POU6F2: variants seen among roughly 807,000 people sequenced by gnomAD.
The protein encoded by POU6F2 is POU domain, class 6, transcription factor 2.
POU6F2 carries 31 observed loss-of-function variants against 71.3 expected under a neutral mutation model. The observed-to-expected ratio is 0.43, with a 90% CI of 0.33 to 0.59. The LOEUF (loss-of-function observed/expected upper bound fraction) is 0.59, where lower values mean the gene tolerates loss of function less well. POU6F2 is among the 20% of genes least tolerant of loss of function. The pLI, the probability that POU6F2 is intolerant of heterozygous loss-of-function variation, is 0.04. For synonymous variants in POU6F2, 347 were observed against 355.7 expected (o/e 0.98, Z 0.27); for missense variants, 783 against 856.8 (o/e 0.91, Z 1.07).
chr7:39,328,002 C>A (rs1421702953), intron 4 of POU6F2, among the ~76,000 whole-genome samples: 1 of 152,154 alleles, frequency 6.6e-6, no homozygotes, highest in African/African-American at 2.4e-5. Flanking sequence ...CTCACTGCAA[C>A]CTCCGTCTCC....
At chr7:39,226,847 T>A (rs1794469457) in intron 4 of POU6F2, among the ~76,000 whole-genome samples, 1 of 152,200 alleles carries the variant, frequency 6.6e-6, no homozygotes, top group Non-Finnish European at 1.5e-5. Flanking sequence ...CCTATCATAT[T>A]TCAATAGTAA....
At chr7:39,227,628 C>T (rs1184915429) in intron 4 of POU6F2, among the ~76,000 whole-genome samples, 1 of 148,070 alleles carries the variant, frequency 6.8e-6, no homozygotes, top group African/African-American at 2.5e-5. Context: ...GATCTCAGCT[C>T]ACTGCAACCT....
chr7:39,154,563 T>C (rs558144948), intron 2 of POU6F2, among the ~76,000 whole-genome samples: 3 of 152,252 alleles, frequency 2.0e-5, no homozygotes, highest in Admixed American at 2.0e-4. Flanking sequence ...ACTTCCCACA[T>C]TGCTAATAGT....
At chr7:39,247,491 A>G in intron 4 of POU6F2, among the ~76,000 whole-genome samples, 1 of 124,018 alleles carries the variant, frequency 8.1e-6, no homozygotes, top group Non-Finnish European at 1.7e-5. Context: ...AAAGAAAGAA[A>G]GAGACAGAGA....
rs541016023 is a variant in POU6F2, at chr7:39,301,466, G to A, written c.599-38176G>A. ...CCTGTAAGGCTTTTTAACATGTGCT[G>A]CTGTTACCCGTAGATCACACACTAG... On this transcript the variant is annotated intron_variant, in intron 4 of 9. Transcript: ENST00000518318. Among the ~76,000 whole-genome samples the A allele has an allele frequency of 2.0e-5, 3 of 152,290 alleles. No individual in the cohort carries two copies. The East Asian group carries it at 5.8e-4, about 29-fold the overall frequency.
intron 1 of POU6F2, among the ~76,000 whole-genome samples, chr7:39,080,919 A>G (rs1562698066): frequency 6.6e-6 from 1 of 152,188 alleles, no homozygotes. Context: ...GCCAAATTAC[A>G]TATTTGTTTA....
chr7:39,035,241 G>A (rs1790032015), intron 1 of POU6F2, among the ~76,000 whole-genome samples: 1 of 152,100 alleles, frequency 6.6e-6, no homozygotes, highest in African/African-American at 2.4e-5. Flanking sequence ...GCAGGGGCAA[G>A]AAGATCCCTG....
At chr7:39,239,332 C>CA (rs112969909) in intron 4 of POU6F2, among the ~76,000 whole-genome samples, 36,819 of 151,656 alleles carry the variant, frequency 0.24, 5,435 homozygotes, top group African/African-American at 0.42. Flanking sequence ...TTCCAAAATC[C>CA]AAAAAAATCT....
At chr7:39,177,180 C>G (rs1793348856) in intron 2 of POU6F2, among the ~76,000 whole-genome samples, 1 of 152,214 alleles carries the variant, frequency 6.6e-6, no homozygotes, top group Non-Finnish European at 1.5e-5. Context: ...GTATTTGTCC[C>G]TAGGACACTG....
intron 1 of POU6F2, among the ~76,000 whole-genome samples, chr7:39,017,434 ATTC>A (rs1189180679): frequency 6.6e-6 from 1 of 152,164 alleles, no homozygotes; most frequent in African/African-American, 2.4e-5. Context: ...TTATCACAAT[ATTC>A]TTCTAACTGT....
chr7:39,373,921 G>C (rs1280874417), intron 5 of POU6F2, among the ~76,000 whole-genome samples: 1 of 151,936 alleles, frequency 6.6e-6, no homozygotes, highest in African/African-American at 2.4e-5. Flanking sequence ...AAAATAAAAA[G>C]ATCTGGCCTT....
At chr7:39,306,503 C>T (rs775141654) in intron 4 of POU6F2, among the ~76,000 whole-genome samples, 5 of 152,194 alleles carry the variant, frequency 3.3e-5, no homozygotes, top group Non-Finnish European at 5.9e-5. Flanking sequence ...CTCCCAGCTA[C>T]GCCATCCTAC....
At chr7:39,138,600 T>A (rs1792433280) in intron 2 of POU6F2, among the ~76,000 whole-genome samples, 1 of 152,186 alleles carries the variant, frequency 6.6e-6, no homozygotes, top group African/African-American at 2.4e-5. Context: ...CTGTCTCCCG[T>A]CATCCCCAGA....
chr7:39,313,872 T>G (rs1358462766), intron 4 of POU6F2, among the ~76,000 whole-genome samples: 2 of 152,210 alleles, frequency 1.3e-5, no homozygotes, highest in Non-Finnish European at 1.5e-5. Context: ...ATCAGCGTCT[T>G]CATAAATGCT....
At chr7:39,261,403 T>C (rs752976262) in intron 4 of POU6F2, among the ~76,000 whole-genome samples, 4 of 152,262 alleles carry the variant, frequency 2.6e-5, no homozygotes, top group Non-Finnish European at 4.4e-5. Flanking sequence ...AGTCATAATG[T>C]GGATTTGTCT....
chr7:39,419,207 A>T (rs1787793582), intron 6 of POU6F2, among the ~76,000 whole-genome samples: 1 of 150,216 alleles, frequency 6.7e-6, no homozygotes, highest in African/African-American at 2.5e-5. Flanking sequence ...TAACCCACTC[A>T]GGGTGGCTGA....
intron 4 of POU6F2, among the ~76,000 whole-genome samples, chr7:39,249,033 T>G (rs1048848981): frequency 7.2e-5 from 11 of 152,202 alleles, no homozygotes; most frequent in African/African-American, 2.4e-4. Flanking sequence ...AATTTTTTCT[T>G]TCTACCTGGT....
At chr7:39,220,986 A>G (rs1309303445) in intron 4 of POU6F2, among the ~76,000 whole-genome samples, 1 of 152,122 alleles carries the variant, frequency 6.6e-6, no homozygotes, top group Admixed American at 6.6e-5. Flanking sequence ...ATATATTGAT[A>G]ATGTGTTGAA....
chr7:39,186,727 G>C (rs536419773), intron 2 of POU6F2, among the ~76,000 whole-genome samples: 23 of 152,296 alleles, frequency 1.5e-4, no homozygotes, highest in African/African-American at 5.3e-4. Flanking sequence ...TGAGCCCTGA[G>C]TAGTGCCTGT....
Sources: allele counts gnomAD v4.1 joint callset (sites outside exome capture counted in the v4.1 genomes callset), GRCh38; gene constraint gnomAD v4.1.1; transcripts MANE v1.5; gene names NCBI Gene and HGNC (gene_info 2026-07-23, HGNC 2026-07-21).